BBS9: variants seen among roughly 807,000 people sequenced by gnomAD.
BBS9 encodes Bardet-Biedl syndrome 9, also known as protein PTHB1.
A neutral mutation model predicts 117.7 loss-of-function variants in BBS9; 89 were observed. The observed-to-expected ratio is 0.76, with a 90% confidence interval of 0.64 to 0.90. The LOEUF (loss-of-function observed/expected upper bound fraction) is 0.90. Among genes scored for constraint, BBS9 ranks in the 40% least tolerant of loss-of-function variants. The pLI is 0.00. For synonymous variants in BBS9, 379 were observed against 370.9 expected (o/e 1.02, Z -0.25); for missense variants, 982 against 1,042.2 (o/e 0.94, Z 0.80).
intron 19 of BBS9, among the ~76,000 whole-genome samples, chr7:33,429,927 G>A (rs1385256675): frequency 6.6e-6 from 1 of 152,066 alleles, no homozygotes; most frequent in Non-Finnish European, 1.5e-5. Flanking sequence ...TGGGAAGGGA[G>A]AGTTGCCTTT....
At chr7:33,492,728 G>A (rs1844161448) in intron 19 of BBS9, among the ~76,000 whole-genome samples, 1 of 151,706 alleles carries the variant, frequency 6.6e-6, no homozygotes, top group Non-Finnish European at 1.5e-5. Flanking sequence ...TCAGTTGTTG[G>A]GGAGGAGTCA....
chr7:33,429,796 T>C (rs970349325), intron 19 of BBS9, among the ~76,000 whole-genome samples: 1 of 152,212 alleles, frequency 6.6e-6, no homozygotes, highest in Non-Finnish European at 1.5e-5. Context: ...TTTAGTTTTG[T>C]CGCAGTGGTT....
At chr7:33,544,497 C>T (rs923264482) in intron 21 of BBS9, among the ~76,000 whole-genome samples, 1 of 152,156 alleles carries the variant, frequency 6.6e-6, no homozygotes, top group Non-Finnish European at 1.5e-5. Context: ...GTCTACCTGG[C>T]TCCGGGCTGG....
At chr7:33,499,874 A>G (rs1219192079) in intron 19 of BBS9, among the ~76,000 whole-genome samples, 2 of 152,248 alleles carry the variant, frequency 1.3e-5, no homozygotes, top group South Asian at 2.1e-4. Context: ...AATTATTATC[A>G]CAAAACATTA....
In BBS9 at chr7:33,320,507, G is replaced by A. The variant is rs1436389026; in HGVS notation, c.1017-15934G>A. Among the ~76,000 whole-genome samples the A allele has an allele frequency of 3.3e-5, 5 of 152,098 alleles. No homozygotes were observed. The East Asian group carries it at 5.8e-4, about 18-fold the overall frequency. On this transcript the variant is annotated intron_variant, in intron 9 of 22. Transcript: ENST00000242067. ...CATTCGTCTGTTGATGGACACTTAGGTTGCTTCCAAATCTTGGCTATTGTG... is the reference window on the plus strand; with the variant it reads ...CATTCGTCTGTTGATGGACACTTAGATTGCTTCCAAATCTTGGCTATTGTG...
intron 5 of BBS9, among the ~76,000 whole-genome samples, chr7:33,240,212 T>C (rs1488050144): frequency 2.6e-5 from 4 of 152,178 alleles, no homozygotes; most frequent in East Asian, 1.9e-4. Context: ...AAAATATTAA[T>C]GTACAGTATG....
intron 5 of BBS9, among the ~76,000 whole-genome samples, chr7:33,196,061 CTATAAGCTTG>C (rs1784888159): frequency 6.6e-6 from 1 of 152,044 alleles, no homozygotes; most frequent in African/African-American, 2.4e-5. Context: ...AAAATGACTT[CTATAAGCTTG>C]TATGGGATTA....
chr7:33,539,037 G>A (rs1444141803), intron 21 of BBS9, among the ~76,000 whole-genome samples: 1 of 152,214 alleles, frequency 6.6e-6, no homozygotes, highest in African/African-American at 2.4e-5. Flanking sequence ...CTCACTAAGT[G>A]TGAGCTTCTG....
At chr7:33,467,437 C>T (rs1159469284) in intron 19 of BBS9, among the ~76,000 whole-genome samples, 1 of 151,944 alleles carries the variant, frequency 6.6e-6, no homozygotes, top group Admixed American at 6.6e-5. Context: ...TTGTGATTTC[C>T]TATTCCTAGT....
Position 33,336,547 on chromosome 7 carries a change from G to A in BBS9, c.1123G>A (p.Glu375Lys). 6.2e-7 allele frequency: 1 copy of A among 1,613,318 alleles called. No individual in the cohort carries two copies. The highest frequency in any genetic ancestry group is 8.5e-7 in the Non-Finnish European group (1 of 1,179,538). The change falls in exon 10 of 23, where the codon GAA (glutamate) becomes AAA (lysine). Residue 375 changes from glutamate (E) to lysine (K), a missense_variant. Transcript: ENST00000242067. Reference protein sequence around the residue: ...LFQAPNVQSRELNYDELDVEM... With the variant: ...LFQAPNVQSRKLNYDELDVEM... Reference sequence around the variant, plus strand: ...CCAAGCTCCAAACGTTCAATCTCGAGAACTAAACTATGATGAACTTGATGT... The same window carrying A: ...CCAAGCTCCAAACGTTCAATCTCGAAAACTAAACTATGATGAACTTGATGT...
chr7:33,586,294 A>G (rs1860875430), intron 21 of BBS9, among the ~76,000 whole-genome samples: 1 of 152,150 alleles, frequency 6.6e-6, no homozygotes, highest in Admixed American at 6.6e-5. Flanking sequence ...AAAAATGCTC[A>G]TAATCACTAA....
chr7:33,583,220 C>G (rs1023920068), intron 21 of BBS9, among the ~76,000 whole-genome samples: 1 of 152,096 alleles, frequency 6.6e-6, no homozygotes, highest in Non-Finnish European at 1.5e-5. Flanking sequence ...TTCCTCTCCC[C>G]TCTACCCTTT....
At chr7:33,520,469 T>A (rs891017463) in intron 20 of BBS9, among the ~76,000 whole-genome samples, 11 of 152,186 alleles carry the variant, frequency 7.2e-5, no homozygotes, top group African/African-American at 2.4e-4. Flanking sequence ...TCTCATTAAA[T>A]CTTAGTAAGC....
At chr7:33,598,182 A>G (rs933942875) in intron 21 of BBS9, among the ~76,000 whole-genome samples, 1 of 151,914 alleles carries the variant, frequency 6.6e-6, no homozygotes, top group Non-Finnish European at 1.5e-5. Context: ...AGGAGAAGAG[A>G]AACTCCTGGA....
At chr7:33,394,554 C>G (rs767618397) in intron 19 of BBS9, among the ~76,000 whole-genome samples, 7 of 152,118 alleles carry the variant, frequency 4.6e-5, no homozygotes, top group Non-Finnish European at 8.8e-5. Context: ...ACTTAAAATA[C>G]AAGTTAAAAC....
chr7:33,521,642 A>AT (rs11372038), intron 20 of BBS9, among the ~76,000 whole-genome samples: 152,320 of 152,326 alleles, frequency 1, 76,157 homozygotes, highest in East Asian at 1. Context: ...TTATAAAAAC[A>AT]TGAATATGAT....
chr7:33,143,662 T>C (rs1222540202), intron 1 of BBS9, among the ~76,000 whole-genome samples: 1 of 151,766 alleles, frequency 6.6e-6, no homozygotes, highest in Non-Finnish European at 1.5e-5. Context: ...GCCTCCTGGG[T>C]TCAAGCAGTT....
chr7:33,615,436 A>G (rs1211817810), intron 21 of BBS9, among the ~76,000 whole-genome samples: 1 of 152,078 alleles, frequency 6.6e-6, no homozygotes, highest in Non-Finnish European at 1.5e-5. Flanking sequence ...GATCACTGTA[A>G]AAGAAATGAA....
At chr7:33,182,442 C>T (rs994185870) in intron 5 of BBS9, among the ~76,000 whole-genome samples, 7 of 152,262 alleles carry the variant, frequency 4.6e-5, no homozygotes, top group East Asian at 1.9e-4. Flanking sequence ...TAAAATCTAA[C>T]GGCTCCACAG....
Sources: gnomAD v4.1 joint callset for allele counts (sites outside exome capture counted in the v4.1 genomes callset) on GRCh38, gnomAD v4.1.1 for gene constraint, MANE v1.5 for transcripts, NCBI Gene and HGNC (gene_info 2026-07-23, HGNC 2026-07-21) for gene names.